Variants in STK3 observed in about 807,000 individuals in gnomAD.
The protein encoded by STK3 is serine/threonine-protein kinase 3.
A neutral mutation model predicts 58.0 loss-of-function variants in STK3; 41 were observed. The ratio of observed to expected loss-of-function variants is 0.71; its 90% confidence interval spans 0.55 to 0.92. STK3 has a LOEUF of 0.92. Ranked by LOEUF, STK3 falls within the 40% of genes least tolerant of loss-of-function variation. The pLI is 0.00. For synonymous variants in STK3, 170 were observed against 191.0 expected (o/e 0.89, Z 0.91); for missense variants, 479 against 602.7 (o/e 0.79, Z 2.15).
chr8:98,822,035 T>C (rs1463848958), intron 1 of STK3, among the ~76,000 whole-genome samples: 1 of 152,096 alleles, frequency 6.6e-6, no homozygotes, highest in East Asian at 1.9e-4. Flanking sequence ...CATACATATA[T>C]ATATACACAC....
intron 3 of STK3, among the ~76,000 whole-genome samples, chr8:98,759,701 A>C (rs1830504491): frequency 6.6e-6 from 1 of 152,206 alleles, no homozygotes. Context: ...GTATACCTGT[A>C]TATAAATTTT....
At chr8:98,673,622 G>T (rs961069127) in intron 6 of STK3, among the ~76,000 whole-genome samples, 1 of 151,998 alleles carries the variant, frequency 6.6e-6, no homozygotes, top group Non-Finnish European at 1.5e-5. Flanking sequence ...AGGTGGGATG[G>T]TGGAGAATGG....
chr8:98,767,501 G>A, intron 2 of STK3, 130 bp from the exon 3 acceptor site: 1 of 832,476 alleles, frequency 1.2e-6, no homozygotes, highest in Non-Finnish European at 1.7e-6. Flanking sequence ...AAAAATCAAA[G>A]TAAACAAGTA....
At chr8:98,909,747 C>G (rs1490150271) in intron 1 of STK3, among the ~76,000 whole-genome samples, 1 of 152,186 alleles carries the variant, frequency 6.6e-6, no homozygotes, top group African/African-American at 2.4e-5. Flanking sequence ...TCTTGTTTAT[C>G]CATTCATCAG....
intron 7 of STK3, among the ~76,000 whole-genome samples, chr8:98,592,857 G>A (rs533999836): frequency 2.0e-5 from 3 of 151,704 alleles, no homozygotes; most frequent in South Asian, 2.1e-4. Context: ...CCTGTCTCCC[G>A]GGTTCAAGTG....
intron 3 of STK3, among the ~76,000 whole-genome samples, chr8:98,870,788 A>C (rs1837343048): frequency 6.6e-6 from 1 of 152,178 alleles, no homozygotes; most frequent in Non-Finnish European, 1.5e-5. Flanking sequence ...CCCATTCTAT[A>C]GGTTGCCTGT....
intron 4 of STK3, among the ~76,000 whole-genome samples, chr8:98,732,181 A>T (rs1828258468): frequency 1.3e-5 from 2 of 152,172 alleles, no homozygotes; most frequent in Admixed American, 1.3e-4. Context: ...TCTAAGAGGA[A>T]AAACAAATTC....
At chr8:98,579,826 A>G in intron 7 of STK3, 37 bp from the exon 8 acceptor site, 1 of 1,524,640 alleles carries the variant, frequency 6.6e-7, no homozygotes, top group Non-Finnish European at 8.8e-7. Flanking sequence ...AATTCAAAAG[A>G]TTTTTCCGAA....
intron 6 of STK3, chr8:98,597,899 C>T (rs1281873514): frequency 2.0e-6 from 2 of 984,198 alleles, no homozygotes; most frequent in East Asian, 2.3e-4. Flanking sequence ...TGCAAATAAC[C>T]TAATTAATCT....
At chr8:98,843,224 T>A (rs1428515540) in intron 3 of STK3, among the ~76,000 whole-genome samples, 1 of 152,134 alleles carries the variant, frequency 6.6e-6, no homozygotes, top group Non-Finnish European at 1.5e-5. Context: ...TAAAGTTAGA[T>A]CTCTGTTTCT....
At chr8:98,731,818 C>G (rs937836709) in intron 4 of STK3, among the ~76,000 whole-genome samples, 10 of 152,034 alleles carry the variant, frequency 6.6e-5, no homozygotes, top group Non-Finnish European at 1.0e-4. Flanking sequence ...TTATGCCTGT[C>G]AGTCAAAAGG....
chr8:98,798,283 A>G (rs1454983034), intron 1 of STK3, among the ~76,000 whole-genome samples: 1 of 152,220 alleles, frequency 6.6e-6, no homozygotes, highest in African/African-American at 2.4e-5. Context: ...AGAATTTTCT[A>G]TATTTCTATA....
intron 3 of STK3, among the ~76,000 whole-genome samples, chr8:98,426,688 CGCCCTTTATTTCCCA>C (rs1818237856): frequency 1.3e-5 from 2 of 152,346 alleles, no homozygotes; most frequent in South Asian, 4.1e-4. Context: ...ACGCGCAAGC[CGCCCTTTATTTCCCA>C]GCCCAGCTCC....
intron 7 of STK3, among the ~76,000 whole-genome samples, chr8:98,584,359 T>G (rs2131755774): frequency 1.3e-5 from 2 of 152,106 alleles, no homozygotes; most frequent in Middle Eastern, 3.4e-3. Context: ...TTTGGTTTTT[T>G]GTTCTTGCGA....
chr8:98,867,521 T>C (rs752213104), intron 3 of STK3, among the ~76,000 whole-genome samples: 13 of 151,910 alleles, frequency 8.6e-5, no homozygotes, highest in Non-Finnish European at 1.6e-4. Context: ...ATATGCTTTC[T>C]ACTACACTAC....
chr8:98,581,602 T>C (rs1813889627), intron 7 of STK3, among the ~76,000 whole-genome samples: 1 of 151,804 alleles, frequency 6.6e-6, no homozygotes, highest in South Asian at 2.1e-4. Context: ...GTAGAACGGT[T>C]ATCATCTGAA....
At chr8:98,784,458 T>G (rs1457984110) in intron 1 of STK3, among the ~76,000 whole-genome samples, 1 of 152,230 alleles carries the variant, frequency 6.6e-6, no homozygotes, top group Non-Finnish European at 1.5e-5. Flanking sequence ...GTGCCATGAT[T>G]GGTTGCCACA....
chr8:98,562,008 A>G (rs994558266), intron 8 of STK3, among the ~76,000 whole-genome samples: 2 of 152,124 alleles, frequency 1.3e-5, no homozygotes, highest in Non-Finnish European at 2.9e-5. Flanking sequence ...ACAAACAAAA[A>G]CCCTGACCAT....
chr8:98,588,156 T>G (rs1296976905), intron 7 of STK3, among the ~76,000 whole-genome samples: 4 of 152,120 alleles, frequency 2.6e-5, no homozygotes, highest in Admixed American at 1.3e-4. Context: ...GTTAGCTGGT[T>G]ATTTTGCTCG....
Sources: allele counts gnomAD v4.1 joint callset (sites outside exome capture counted in the v4.1 genomes callset), GRCh38; gene constraint gnomAD v4.1.1; transcripts MANE v1.5; gene names NCBI Gene and HGNC (gene_info 2026-07-23, HGNC 2026-07-21).